FAM83B: variants seen among roughly 807,000 people sequenced by gnomAD.
FAM83B encodes protein FAM83B.
In FAM83B, 26 loss-of-function variants were observed where a neutral mutation model predicts 38.8. The ratio of observed to expected loss-of-function variants is 0.67; its 90% CI spans 0.49 to 0.93. The LOEUF is 0.93. FAM83B is among the 40% of genes least tolerant of loss of function. The pLI is 0.00. For missense variants in FAM83B, 1,237 were observed against 1,197.3 expected (o/e 1.03, Z -0.49); for synonymous variants, 419 against 423.1 (o/e 0.99, Z 0.12).
intron 2 of FAM83B, among the ~76,000 whole-genome samples, chr6:54,907,090 C>T (rs569659262): frequency 3.5e-4 from 54 of 152,220 alleles, no homozygotes; most frequent in African/African-American, 1.1e-3. Flanking sequence ...CTTTTTAATA[C>T]GTGCTATGCA....
chr6:54,887,080 T>C (rs1003767736), intron 2 of FAM83B, among the ~76,000 whole-genome samples: 2 of 152,198 alleles, frequency 1.3e-5, no homozygotes, highest in Admixed American at 6.5e-5. Flanking sequence ...TTATGTACTT[T>C]GACAATATTT....
intron 4 of FAM83B, among the ~76,000 whole-genome samples, chr6:54,930,686 C>T (rs998950316): frequency 2.6e-5 from 4 of 152,064 alleles, no homozygotes; most frequent in African/African-American, 9.7e-5. Flanking sequence ...ATTCTTTTCA[C>T]GCAGCCATGT....
intron 1 of FAM83B, among the ~76,000 whole-genome samples, chr6:54,862,006 C>T (rs1270839690): frequency 6.6e-6 from 1 of 152,132 alleles, no homozygotes. Flanking sequence ...TAAGTGGGCC[C>T]TGGTACAAGG....
At chr6:54,939,106 G>A (rs2127591230) in intron 4 of FAM83B, among the ~76,000 whole-genome samples, 1 of 151,828 alleles carries the variant, frequency 6.6e-6, no homozygotes, top group East Asian at 2.0e-4. Flanking sequence ...AGTATCATTT[G>A]TTGAATAGGG....
At position 54,940,604 on chromosome 6, in the gene FAM83B, G is replaced by T. The variant is rs201084361; in HGVS notation, c.1633G>T (p.Val545Leu). 89 of 1,613,868 alleles carry T rather than the reference G, an allele frequency of 5.5e-5. No individual in the cohort carries two copies. Among genetic ancestry groups the T allele is most frequent in the Non-Finnish European group, 7.5e-5 (88 of 1,180,010 alleles). Residue 545 changes from valine to leucine, a missense_variant, in exon 5 of 5, where the codon GTA becomes TTA. Physicochemically the swap from Val to Leu is conservative, Grantham distance 32 (BLOSUM62 1). Coordinates refer to ENST00000306858, the MANE Select transcript of FAM83B (RefSeq NM_001010872.3). ...YTHSRLRSSL[V>L]FKPTLPEQKE... ...TCATTCTCGGCTTCGTTCCTCTTTA[G>T]TATTTAAACCCACTTTACCTGAGCA...
chr6:54,885,992 C>G (rs956355480), intron 2 of FAM83B, among the ~76,000 whole-genome samples: 1 of 151,318 alleles, frequency 6.6e-6, no homozygotes, highest in Non-Finnish European at 1.5e-5. Context: ...TAATAAGTAA[C>G]TGTCATATAT....
intron 2 of FAM83B, among the ~76,000 whole-genome samples, chr6:54,922,566 G>A (rs1561926045): frequency 6.6e-6 from 1 of 151,858 alleles, no homozygotes; most frequent in Non-Finnish European, 1.5e-5. Flanking sequence ...TGTTATCACT[G>A]GTTTCTCCCT....
At chr6:54,891,407 T>TGAAGAGACAGG (rs1772398553) in intron 2 of FAM83B, among the ~76,000 whole-genome samples, 1 of 152,190 alleles carries the variant, frequency 6.6e-6, no homozygotes, top group African/African-American at 2.4e-5. Flanking sequence ...TGTTGTTTCT[T>TGAAGAGACAGG]GATTTTCTTT....
intron 2 of FAM83B, among the ~76,000 whole-genome samples, chr6:54,886,929 A>C (rs2127579313): frequency 6.6e-6 from 1 of 152,128 alleles, no homozygotes; most frequent in Admixed American, 6.6e-5. Context: ...ACTATCATTT[A>C]GTTTCAATTT....
At chr6:54,923,254 G>T (rs530503813) in intron 2 of FAM83B, among the ~76,000 whole-genome samples, 2 of 151,982 alleles carry the variant, frequency 1.3e-5, no homozygotes, top group Admixed American at 6.6e-5. Context: ...GTTCTTTAAT[G>T]CCAGCAGGAT....
chr6:54,929,816 G>A (rs570253748), intron 4 of FAM83B, among the ~76,000 whole-genome samples: 2 of 151,998 alleles, frequency 1.3e-5, no homozygotes, highest in South Asian at 4.2e-4. Context: ...GTGGAGCTGG[G>A]AGTAGACAGT....
At chr6:54,847,512 TTGAGAACCACTGCTCTAGATCCTGG>T (rs1476051644) in intron 1 of FAM83B, among the ~76,000 whole-genome samples, 5 of 152,070 alleles carry the variant, frequency 3.3e-5, no homozygotes, top group Non-Finnish European at 7.4e-5. Context: ...CTACCAAAGT[TTGAGAACCACTGCTCTAGATCCTGG>T]TGAGTGATCT....
chr6:54,894,731 C>G (rs1420596047), intron 2 of FAM83B, among the ~76,000 whole-genome samples: 9 of 152,092 alleles, frequency 5.9e-5, no homozygotes, highest in Non-Finnish European at 1.0e-4. Context: ...GTAACAGGCC[C>G]TTAGAATTTA....
intron 2 of FAM83B, among the ~76,000 whole-genome samples, chr6:54,893,531 A>G (rs1262270643): frequency 3.9e-5 from 6 of 152,178 alleles, no homozygotes; most frequent in Non-Finnish European, 7.3e-5. Context: ...ATAAATGTTT[A>G]TCATCACCAG....
Position 54,942,025 on chromosome 6 carries a change from G to T in FAM83B, c.*18G>T, listed in dbSNP as rs534199275. The T allele has an allele frequency of 6.3e-7, 1 of 1,575,522 alleles. No individual in the cohort carries two copies. Among genetic ancestry groups the T allele is most frequent in the Non-Finnish European group, 8.6e-7 (1 of 1,163,664 alleles). ...ATAAATAGCTATTAAAATGCAAAAT[G>T]AATGAGGCTATCAATATTTGTCCAA... On this transcript the variant is annotated 3_prime_UTR_variant, in exon 5 of 5. Transcript: ENST00000306858.
chr6:54,905,929 A>G (rs1433331762), intron 2 of FAM83B, among the ~76,000 whole-genome samples: 1 of 151,808 alleles, frequency 6.6e-6, no homozygotes, highest in Non-Finnish European at 1.5e-5. Flanking sequence ...CCCACTATTT[A>G]TCCTATTTAT....
intron 2 of FAM83B, among the ~76,000 whole-genome samples, chr6:54,905,641 A>G (rs951622651): frequency 2.0e-5 from 3 of 152,170 alleles, no homozygotes; most frequent in Non-Finnish European, 2.9e-5. Context: ...AGTCTTTACT[A>G]TTTTCTTAAT....
chr6:54,907,304 A>T (rs1006476879), intron 2 of FAM83B, among the ~76,000 whole-genome samples: 1 of 152,098 alleles, frequency 6.6e-6, no homozygotes, highest in East Asian at 1.9e-4. Context: ...TTTTTCGTAG[A>T]TTGTTTTATT....
At chr6:54,925,866 G>T (rs1773276386) in intron 2 of FAM83B, among the ~76,000 whole-genome samples, 2 of 151,780 alleles carry the variant, frequency 1.3e-5, no homozygotes, top group Non-Finnish European at 2.9e-5. Flanking sequence ...TTAATTTTTT[G>T]GTCTTCAAGT....
Sources: allele counts gnomAD v4.1 joint callset (sites outside exome capture counted in the v4.1 genomes callset), GRCh38; gene constraint gnomAD v4.1.1; transcripts MANE v1.5; gene names NCBI Gene and HGNC (gene_info 2026-07-23, HGNC 2026-07-21).